Variants in TRIM21 observed in about 807,000 individuals in gnomAD.
TRIM21 encodes E3 ubiquitin-protein ligase TRIM21.
Under a neutral mutation model 36.1 loss-of-function variants are expected in TRIM21, and 35 were observed. The ratio of observed to expected loss-of-function variants is 0.97; its 90% CI spans 0.74 to 1.28. TRIM21 has a LOEUF of 1.28. Ranked by LOEUF, TRIM21 falls within the 50% of genes most tolerant of loss-of-function variation. TRIM21 has a pLI of 0.00. For missense variants in TRIM21, 635 were observed against 570.7 expected (o/e 1.11, Z -1.15); for synonymous variants, 256 against 211.5 (o/e 1.21, Z -1.83).
At chr11:4,386,787 T>C (rs1424058687) in intron 5 of TRIM21, among the ~76,000 whole-genome samples, 181 bp downstream of exon 5, 2 of 152,218 alleles carry the variant, frequency 1.3e-5, no homozygotes, top group Non-Finnish European at 2.9e-5. Context: ...CAATCACCAA[T>C]TGAGATGTCC....
At chr11:4,392,304 C>T (rs977463325) in intron 1 of TRIM21, among the ~76,000 whole-genome samples, 2 of 152,140 alleles carry the variant, frequency 1.3e-5, no homozygotes, top group African/African-American at 4.8e-5. Flanking sequence ...CGGTGGCTCA[C>T]ACCTGTAATC....
intron 1 of TRIM21, among the ~76,000 whole-genome samples, chr11:4,391,482 G>C (rs1184284893): frequency 1.3e-5 from 2 of 152,180 alleles, no homozygotes; most frequent in African/African-American, 4.8e-5. Context: ...TGGTGGGAAG[G>C]TAAATTAGTA....
intron 1 of TRIM21, 22 bp from the exon 2 acceptor site, chr11:4,390,480 A>AAATTGCAAT: frequency 6.8e-7 from 1 of 1,463,462 alleles, no homozygotes. Context: ...GAAGAAAGGG[A>AAATTGCAAT]AAAGAGAATA....
rs1292094642 is a variant in TRIM21, at chr11:4,385,212, T to TG, written c.*72dup. ...AGAGACAAAGGTGGTTCAGAGTTCA[T>TG]GGGGAAAAGAGGCAGGGTTTGTGGC... On this transcript the variant is annotated 3_prime_UTR_variant, in exon 7 of 7. Coordinates refer to ENST00000254436, the MANE Select transcript of TRIM21 (RefSeq NM_003141.4). The TG allele has an allele frequency of 2.8e-6, 4 of 1,434,392 alleles. No individual in the cohort carries two copies. The highest frequency in any genetic ancestry group is 2.8e-6 in the Non-Finnish European group (3 of 1,062,864). 88.9% of individuals were successfully genotyped at this position (1,434,392 alleles called of 1,614,324 possible). A position where few individuals can be genotyped will look rare whatever the true frequency, so the allele number is the denominator to read the frequency against.
rs1468681183 is a variant in TRIM21, at chr11:4,385,684, G to C, written c.1029C>G (p.Tyr343Ter). The C allele has an allele frequency of 6.2e-7, 1 of 1,613,402 alleles. No homozygotes were observed. Among genetic ancestry groups the C allele is most frequent in the African/African-American group, 1.3e-5 (1 of 75,044 alleles). The change falls in exon 7 of 7, where the codon TAC becomes TAG. Residue 343 changes from tyrosine (Y) to a stop codon, truncating the protein, a stop_gained. Transcript: ENST00000254436. LOFTEE classifies it low-confidence loss of function (END_TRUNC). ...GAQHFHSGKH[Y>*]WEVDVTGKEA... ...CCTTTCCTGTCACATCTACCTCCCA[G>C]TAATGTTTTCCAGAGTGAAAGTGCT... is the stretch of plus-strand genomic sequence containing the variant.
At position 4,393,441 on chromosome 11, in the gene TRIM21, C is replaced by T. The variant is rs142721895; in HGVS notation, c.-50+192G>A. 2.9e-3 allele frequency among the ~76,000 whole-genome samples: 437 copies of T among 152,280 alleles called. 1 individual carries two copies. The highest frequency in any genetic ancestry group is 9.9e-3 in the African/African-American group (413 of 41,550). On this transcript the variant is annotated intron_variant, in intron 1 of 6. Coordinates refer to ENST00000254436, the MANE Select transcript of TRIM21 (RefSeq NM_003141.4). ...GGTAACTCGGCAGTCAGGTCCACAC[C>T]CCAGCCTCCTCCCAAGCAGGGGGCC...
Position 4,390,451 on chromosome 11 carries a change from G to A in TRIM21, c.-42C>T, listed in dbSNP as rs960455925. ...AAACAGCAGTGTGGAGACCTTTAGG[G>A]GGTTTGGCTGGGAGAGAAGAAGAAA... On this transcript the variant is annotated 5_prime_UTR_variant, in exon 2 of 7. Coordinates refer to ENST00000254436, the MANE Select transcript of TRIM21 (RefSeq NM_003141.4). 2 of 1,543,270 alleles carry A rather than the reference G, an allele frequency of 1.3e-6. No homozygotes were observed. Among genetic ancestry groups the A allele is most frequent in the Admixed American group, 2.0e-5 (1 of 49,664 alleles).
Position 4,390,196 on chromosome 11 carries a change from T to G in TRIM21, c.214A>C (p.Met72Leu), listed in dbSNP as rs774529692. The part of the protein sequence containing the change: ...NLRPNRQLAN[M>L]VNNLKEISQE... ...CTGATTTCTTTAAGGTTGTTCACCA[T>G]GTTGGCTAGCTGTCGATTGGGCCGG... Residue 72 changes from methionine (M) to leucine (L), a missense_variant, in exon 2 of 7, where the codon ATG becomes CTG. By Grantham distance (15) the Met-to-Leu change is conservative. Coordinates refer to ENST00000254436, the MANE Select transcript of TRIM21 (RefSeq NM_003141.4). 6 of 1,614,060 alleles carry G rather than the reference T, an allele frequency of 3.7e-6. No individual in the cohort carries two copies.
chr11:4,387,451 GC>G (rs749090889), intron 4 of TRIM21, among the ~76,000 whole-genome samples: 7 of 152,134 alleles, frequency 4.6e-5, no homozygotes, highest in Non-Finnish European at 1.0e-4. Context: ...ACTTAATGTT[GC>G]CTCTTCCTGT....
chr11:4,390,210 C>G lies in TRIM21; in HGVS notation c.200G>C (p.Arg67Pro). 6.2e-7 allele frequency: 1 copy of G among 1,613,986 alleles called. No homozygotes were observed. The highest frequency in any genetic ancestry group is 8.5e-7 in the Non-Finnish European group (1 of 1,179,906). Residue 67 changes from arginine to proline, a missense_variant, in exon 2 of 7, where the codon CGA becomes CCA. Coordinates refer to ENST00000254436, the MANE Select transcript of TRIM21 (RefSeq NM_003141.4). ...RFLLKNLRPN[R>P]QLANMVNNLK... The stretch of plus-strand genomic sequence containing the variant: ...GTTGTTCACCATGTTGGCTAGCTGT[C>G]GATTGGGCCGGAGATTCTTGAGCAG...
At chr11:4,389,296 T>TTAGCTAGCA (rs1291159917) in intron 3 of TRIM21, among the ~76,000 whole-genome samples, 1 of 152,202 alleles carries the variant, frequency 6.6e-6, no homozygotes, top group Non-Finnish European at 1.5e-5. Context: ...CCTGAAAGGC[T>TTAGCTAGCA]TAGCTAGCAG....
In TRIM21 at chr11:4,388,364, G is replaced by C; in HGVS notation, c.671C>G (p.Ala224Gly). 6.2e-7 allele frequency: 1 copy of C among 1,613,934 alleles called. No individual in the cohort carries two copies. Among genetic ancestry groups the C allele is most frequent in the Non-Finnish European group, 8.5e-7 (1 of 1,179,886 alleles). ...TAGCTCTGAGATGAGCTCCTGTAGG[G>C]CCTGGCTCTGCTGGGCCAGCTTGGC... ...KEAKLAQQSQ[A>G]LQELISELDR... Residue 224 changes from alanine (A) to glycine (G), a missense_variant, in exon 4 of 7, where the codon GCC (alanine) becomes GGC (glycine). Ala to Gly is a moderately conservative substitution (Grantham distance 60). Coordinates refer to ENST00000254436, the MANE Select transcript of TRIM21 (RefSeq NM_003141.4).
chr11:4,390,671 G>A (rs561284324), intron 1 of TRIM21, among the ~76,000 whole-genome samples: 8 of 152,180 alleles, frequency 5.3e-5, no homozygotes, highest in South Asian at 4.2e-4. Flanking sequence ...ATCATCTGAC[G>A]TCAAATTATA....
At chr11:4,387,645 T>C (rs1288892439) in intron 4 of TRIM21, among the ~76,000 whole-genome samples, 2 of 151,950 alleles carry the variant, frequency 1.3e-5, no homozygotes, top group Non-Finnish European at 2.9e-5. Flanking sequence ...CACCTACGGT[T>C]GGGAGTTTGA....
At chr11:4,388,661 G>T in intron 3 of TRIM21, 131 bp from the exon 4 acceptor site, 1 of 814,908 alleles carries the variant, frequency 1.2e-6, no homozygotes, top group Non-Finnish European at 2.0e-6. Context: ...ACACACACAT[G>T]CACACGCACA....
At chr11:4,388,208 A>G in intron 4 of TRIM21, 92 bp downstream of exon 4, 1 of 1,081,124 alleles carries the variant, frequency 9.2e-7, no homozygotes, top group Non-Finnish European at 1.3e-6. Context: ...TCCAGGGACC[A>G]GGTGTCCATT....
intron 3 of TRIM21, among the ~76,000 whole-genome samples, chr11:4,389,160 G>A (rs2094959874): frequency 6.6e-6 from 1 of 152,110 alleles, no homozygotes; most frequent in Admixed American, 6.5e-5. Flanking sequence ...ACCTCTCCTA[G>A]GAAATCATCA....
At chr11:4,392,531 C>T (rs1323679317) in intron 1 of TRIM21, among the ~76,000 whole-genome samples, 1 of 147,830 alleles carries the variant, frequency 6.8e-6, no homozygotes, top group African/African-American at 2.6e-5. Context: ...TGTGCCATTG[C>T]ACTCCAGCCT....
At position 4,385,242 on chromosome 11, in the gene TRIM21, A is replaced by T; in HGVS notation, c.*43T>A. The T allele has an allele frequency of 1.3e-6, 2 of 1,547,792 alleles. No homozygotes were observed. The highest frequency in any genetic ancestry group is 1.8e-6 in the Non-Finnish European group (2 of 1,141,638). ...AAAAGAGGCAGGGTTTGTGGCTGAGAAGCGGTGCCAATGGGGAGAGTGGCA... is the reference window on the plus strand; with the variant it reads ...AAAAGAGGCAGGGTTTGTGGCTGAGTAGCGGTGCCAATGGGGAGAGTGGCA... On this transcript the variant is annotated 3_prime_UTR_variant, in exon 7 of 7. Coordinates refer to ENST00000254436, the MANE Select transcript of TRIM21 (RefSeq NM_003141.4).
Sources: gnomAD v4.1 joint callset for allele counts (sites outside exome capture counted in the v4.1 genomes callset) on GRCh38, gnomAD v4.1.1 for gene constraint, MANE v1.5 for transcripts, NCBI Gene and HGNC (gene_info 2026-07-23, HGNC 2026-07-21) for gene names.